The following PCDH7 variants were observed in gnomAD, a reference collection of about 807,000 sequenced individuals.
The protein encoded by PCDH7 is protocadherin 7.
PCDH7 carries 17 observed loss-of-function variants against 58.9 expected under a neutral mutation model. The observed-to-expected ratio is 0.29, with a 90% CI of 0.20 to 0.43. The LOEUF (loss-of-function observed/expected upper bound fraction) is 0.43, where lower values mean the gene tolerates loss of function less well. Among genes scored for constraint, PCDH7 ranks in the 20% least tolerant of loss-of-function variants. The pLI, the probability that PCDH7 is intolerant of heterozygous loss-of-function variation, is 1.00. For synonymous variants in PCDH7, 664 were observed against 616.4 expected (o/e 1.08, Z -1.14); for missense variants, 1,274 against 1,441.0 (o/e 0.88, Z 1.88).
intron 1 of PCDH7, among the ~76,000 whole-genome samples, chr4:30,755,646 G>A (rs1408612840): frequency 4.6e-5 from 7 of 152,132 alleles, no homozygotes. Context: ...GTCTTAGTCT[G>A]TTTTTTGTTG....
At chr4:30,734,007 A>C (rs1346393528), downstream of PCDH7, among the ~76,000 whole-genome samples, 2 of 152,130 alleles carry the variant, frequency 1.3e-5, no homozygotes, top group African/African-American at 4.8e-5. Context: ...TGATTAAAAA[A>C]CAAAACCCTC....
At chr4:31,046,493 A>G (rs1229529135) in intron 3 of PCDH7, among the ~76,000 whole-genome samples, 1 of 152,066 alleles carries the variant, frequency 6.6e-6, no homozygotes, top group African/African-American at 2.4e-5. Context: ...GACTCAAATA[A>G]TCAGGGTTAC....
intron 1 of PCDH7, among the ~76,000 whole-genome samples, chr4:30,898,358 T>C (rs1291427608): frequency 1.3e-5 from 2 of 152,116 alleles, no homozygotes; most frequent in Non-Finnish European, 2.9e-5. Flanking sequence ...AGGCATCAGA[T>C]TGAATCTTAT....
chr4:30,751,116 T>G (rs1313644826), intron 1 of PCDH7, among the ~76,000 whole-genome samples: 1 of 152,218 alleles, frequency 6.6e-6, no homozygotes, highest in Admixed American at 6.5e-5. Flanking sequence ...CTCAAAGTGC[T>G]GGAGAATCGT....
intron 1 of PCDH7, among the ~76,000 whole-genome samples, chr4:30,917,125 G>T (rs1313233218): frequency 6.6e-6 from 1 of 152,074 alleles, no homozygotes; most frequent in Non-Finnish European, 1.5e-5. Context: ...TATGAATATT[G>T]TGTCATAACC....
chr4:30,883,206 T>A (rs1737233261), intron 1 of PCDH7, among the ~76,000 whole-genome samples: 1 of 152,210 alleles, frequency 6.6e-6, no homozygotes, highest in Non-Finnish European at 1.5e-5. Flanking sequence ...AGAAATGTTA[T>A]CTTCTCTTTT....
intron 3 of PCDH7, among the ~76,000 whole-genome samples, chr4:31,031,753 G>A (rs1754935587): frequency 6.6e-6 from 1 of 152,058 alleles, no homozygotes; most frequent in Non-Finnish European, 1.5e-5. Context: ...AGGGCCTTTG[G>A]AAACATATAC....
At chr4:30,970,107 T>C (rs1749420859) in intron 3 of PCDH7, among the ~76,000 whole-genome samples, 1 of 152,190 alleles carries the variant, frequency 6.6e-6, no homozygotes, top group Admixed American at 6.5e-5. Flanking sequence ...CCAAGTACTG[T>C]GCATACTGCT....
intron 3 of PCDH7, among the ~76,000 whole-genome samples, chr4:31,056,817 T>A (rs1757297186): frequency 6.6e-6 from 1 of 152,204 alleles, no homozygotes. Context: ...TGACTTCAGG[T>A]GATCCTCCCT....
chr4:31,072,605 C>CT, intron 3 of PCDH7, among the ~76,000 whole-genome samples: 1 of 152,094 alleles, frequency 6.6e-6, no homozygotes. Context: ...AAGGGGGCAA[C>CT]TTTAAGAGTG....
intron 1 of PCDH7, among the ~76,000 whole-genome samples, chr4:30,850,480 C>A (rs1413959553): frequency 2.6e-5 from 4 of 152,038 alleles, no homozygotes; most frequent in Non-Finnish European, 4.4e-5. Context: ...CTCCAGAGAA[C>A]CTAAGTGACT....
At chr4:30,803,515 G>A (rs761246632) in intron 1 of PCDH7, among the ~76,000 whole-genome samples, 33 of 151,956 alleles carry the variant, frequency 2.2e-4, no homozygotes, top group Non-Finnish European at 3.5e-4. Flanking sequence ...ATGGCTCACT[G>A]CAACCTCAAA....
intron 1 of PCDH7, among the ~76,000 whole-genome samples, chr4:30,782,867 C>T (rs147003423): frequency 9.8e-4 from 149 of 152,134 alleles, no homozygotes; most frequent in Non-Finnish European, 4.3e-4. Context: ...GGGCACCTCT[C>T]GAATGAGGGT....
chr4:30,972,527 G>T (rs991281362), intron 3 of PCDH7, among the ~76,000 whole-genome samples: 1 of 152,128 alleles, frequency 6.6e-6, no homozygotes, highest in Non-Finnish European at 1.5e-5. Context: ...TCTGGTCCAG[G>T]TACACTAAAC....
chr4:31,073,655 T>A (rs1326702081), intron 3 of PCDH7, among the ~76,000 whole-genome samples: 1 of 152,218 alleles, frequency 6.6e-6, no homozygotes, highest in East Asian at 1.9e-4. Flanking sequence ...CTCTGGCCTC[T>A]GCCCAACCAC....
chr4:31,035,546 G>A (rs371363969), intron 3 of PCDH7, among the ~76,000 whole-genome samples: 1 of 152,060 alleles, frequency 6.6e-6, no homozygotes, highest in African/African-American at 2.4e-5. Flanking sequence ...GAGCCACAGC[G>A]TCGGCCACAT....
chr4:30,976,245 C>A (rs1348427145), intron 3 of PCDH7, among the ~76,000 whole-genome samples: 1 of 152,004 alleles, frequency 6.6e-6, no homozygotes, highest in Non-Finnish European at 1.5e-5. Context: ...ACTCCACCCA[C>A]CACACCTGGC....
chr4:30,804,674 G>A (rs1353721745), intron 1 of PCDH7, among the ~76,000 whole-genome samples: 1 of 152,166 alleles, frequency 6.6e-6, no homozygotes, highest in African/African-American at 2.4e-5. Context: ...ATCTGCTGGT[G>A]CCTTGCTCTT....
intron 1 of PCDH7, among the ~76,000 whole-genome samples, chr4:30,856,546 A>G (rs1733482494): frequency 6.6e-6 from 1 of 152,068 alleles, no homozygotes; most frequent in Admixed American, 6.6e-5. Context: ...GTATACCAGT[A>G]TAAGCTTGAT....
Sources: allele counts gnomAD v4.1 joint callset (sites outside exome capture counted in the v4.1 genomes callset), GRCh38; gene constraint gnomAD v4.1.1; transcripts MANE v1.5; gene names NCBI Gene and HGNC (gene_info 2026-07-23, HGNC 2026-07-21).